Variants in TRAPPC9 observed in about 807,000 individuals in gnomAD.
TRAPPC9 encodes the protein trafficking protein particle complex subunit 9.
In TRAPPC9, 83 loss-of-function variants were observed where a neutral mutation model predicts 124.0. The observed-to-expected ratio is 0.67, with a 90% confidence interval of 0.56 to 0.80. The LOEUF is 0.80. Ranked by LOEUF, TRAPPC9 falls within the 30% of genes least tolerant of loss-of-function variation. TRAPPC9 has a pLI of 0.00. For synonymous variants in TRAPPC9, 638 were observed against 617.5 expected (o/e 1.03, Z -0.49); for missense variants, 1,302 against 1,508.3 (o/e 0.86, Z 2.27).
intron 2 of TRAPPC9, among the ~76,000 whole-genome samples, chr8:140,446,522 C>T (rs1405489836): frequency 6.6e-6 from 1 of 152,042 alleles, no homozygotes; most frequent in East Asian, 1.9e-4. Flanking sequence ...CCCTTGAGCC[C>T]TCATAAGGGG....
chr8:140,042,429 A>G (rs1213104214), intron 17 of TRAPPC9, among the ~76,000 whole-genome samples: 1 of 152,230 alleles, frequency 6.6e-6, no homozygotes, highest in Non-Finnish European at 1.5e-5. Context: ...CACCTTGCGG[A>G]ACACACGCAT....
intron 21 of TRAPPC9, among the ~76,000 whole-genome samples, chr8:139,759,841 G>A (rs944684057): frequency 3.3e-5 from 5 of 152,316 alleles, no homozygotes; most frequent in East Asian, 3.9e-4. Flanking sequence ...CCAGATGTGG[G>A]GAGGGCCCAG....
At chr8:139,785,011 C>T (rs1822123805) in intron 21 of TRAPPC9, among the ~76,000 whole-genome samples, 1 of 152,128 alleles carries the variant, frequency 6.6e-6, no homozygotes, top group Non-Finnish European at 1.5e-5. Context: ...CAAAATATTA[C>T]CTGACTTTAG....
chr8:140,258,252 G>A (rs1224020832), intron 15 of TRAPPC9, among the ~76,000 whole-genome samples: 1 of 152,204 alleles, frequency 6.6e-6, no homozygotes, highest in East Asian at 1.9e-4. Flanking sequence ...TTCAAAAGAG[G>A]GAGGGTGACC....
At chr8:140,167,225 C>T (rs1387474745) in intron 17 of TRAPPC9, among the ~76,000 whole-genome samples, 1 of 151,834 alleles carries the variant, frequency 6.6e-6, no homozygotes, top group African/African-American at 2.4e-5. Context: ...TGACACAGAG[C>T]ACAGGAATAA....
chr8:140,082,286 C>T (rs532841576), intron 17 of TRAPPC9: 69 of 151,998 alleles, frequency 4.5e-4, no homozygotes, highest in African/African-American at 1.5e-3. Flanking sequence ...AAGGAAGAAC[C>T]TGAAATATAA....
intron 21 of TRAPPC9, among the ~76,000 whole-genome samples, chr8:139,809,804 C>T (rs939379058): frequency 2.0e-5 from 3 of 152,182 alleles, no homozygotes; most frequent in Admixed American, 1.3e-4. Flanking sequence ...TAAACGGCGG[C>T]CACCACCCTG....
intron 7 of TRAPPC9, among the ~76,000 whole-genome samples, chr8:140,384,253 T>C (rs375348175): frequency 5.5e-4 from 83 of 151,732 alleles, no homozygotes; most frequent in African/African-American, 1.5e-3. Context: ...ACTGCATCAA[T>C]TAACGAGCAA....
chr8:140,008,256 G>A (rs1269642686), intron 18 of TRAPPC9, among the ~76,000 whole-genome samples: 1 of 152,230 alleles, frequency 6.6e-6, no homozygotes, highest in African/African-American at 2.4e-5. Context: ...AGGGTGCTGC[G>A]TGGAGCCTGT....
rs1563804167 is a variant in TRAPPC9, at chr8:140,157,002, T to TTTTCCATTCAAAAGCCTCCC, written c.2556+64456_2556+64457insGGGAGGCTTTTGAATGGAAA. Among the ~76,000 whole-genome samples the TTTTCCATTCAAAAGCCTCCC allele has an allele frequency of 4.5e-4, 10 of 22,124 alleles. 2 individuals carry two copies. Among genetic ancestry groups the TTTTCCATTCAAAAGCCTCCC allele is most frequent in the African/African-American group, 1.2e-3 (6 of 5,032 alleles). The allele number at this position is 22,124 out of a possible 152,430, so 14.5% of individuals were successfully genotyped here. A position where few individuals can be genotyped will look rare whatever the true frequency, so the allele number is the denominator to read the frequency against. On this transcript the variant is annotated intron_variant, in intron 17 of 22. Transcript: ENST00000438773. The stretch of plus-strand genomic sequence containing the variant: ...CTCCCTTTCCATTCAAAAGCCTCCC[T>TTTTCCATTCAAAAGCCTCCC]TTTCCATTCAGAAGCCTCCCTTTTC...
At chr8:139,935,986 C>T (rs1181613758) in intron 19 of TRAPPC9, among the ~76,000 whole-genome samples, 1 of 152,238 alleles carries the variant, frequency 6.6e-6, no homozygotes, top group Non-Finnish European at 1.5e-5. Context: ...GAAGCCTGCA[C>T]CATGTGGGGA....
chr8:140,097,937 T>A lies in TRAPPC9; in HGVS notation c.2557-73858A>T, dbSNP rs1044856420. On this transcript the variant is annotated intron_variant, in intron 17 of 22. Coordinates refer to ENST00000438773, the MANE Select transcript of TRAPPC9 (RefSeq NM_001160372.4). The surrounding 1 kb of genome is among the most constrained non-coding windows in gnomAD (Gnocchi z 4.2). ...ATTGCCGCCGTCTGAAGGATAAGGATGCCCACCAACATACGCAGTCGCACC... is the reference window on the plus strand; with the variant it reads ...ATTGCCGCCGTCTGAAGGATAAGGAAGCCCACCAACATACGCAGTCGCACC... 4 of 152,278 alleles carry A rather than the reference T, an allele frequency of 2.6e-5. No homozygotes were observed. The highest frequency in any genetic ancestry group is 9.7e-5 in the African/African-American group (4 of 41,432). The allele number at this position is 152,278 out of a possible 1,614,324, so 9.4% of individuals were successfully genotyped here. A position where few individuals can be genotyped will look rare whatever the true frequency, so the allele number is the denominator to read the frequency against.
chr8:139,790,601 A>T (rs1254135462), intron 21 of TRAPPC9, among the ~76,000 whole-genome samples: 1 of 152,166 alleles, frequency 6.6e-6, no homozygotes, highest in East Asian at 1.9e-4. Flanking sequence ...TGGTTGTCAC[A>T]TCTGGTGGAG....
At chr8:139,915,616 A>T (rs960904765) in intron 19 of TRAPPC9, among the ~76,000 whole-genome samples, 4 of 152,206 alleles carry the variant, frequency 2.6e-5, no homozygotes, top group Non-Finnish European at 5.9e-5. Flanking sequence ...TTCGTGTCTG[A>T]CCAAGACAAG....
chr8:140,306,905 G>C (rs2066152913), intron 10 of TRAPPC9, among the ~76,000 whole-genome samples: 1 of 152,128 alleles, frequency 6.6e-6, no homozygotes, highest in African/African-American at 2.4e-5. Context: ...GAAGCAGTGT[G>C]GTGGGATGAG....
intron 18 of TRAPPC9, among the ~76,000 whole-genome samples, chr8:139,996,732 AT>A (rs1250401264): frequency 1.3e-5 from 2 of 152,038 alleles, no homozygotes; most frequent in Non-Finnish European, 2.9e-5. Flanking sequence ...TGTTGTTGCT[AT>A]TTTTTTGTTT....
chr8:140,274,467 C>T (rs2065053758), intron 15 of TRAPPC9, among the ~76,000 whole-genome samples: 1 of 152,168 alleles, frequency 6.6e-6, no homozygotes, highest in Non-Finnish European at 1.5e-5. Flanking sequence ...AGACACGGAC[C>T]GGGAGAATGG....
chr8:139,879,114 G>A lies in TRAPPC9; in HGVS notation c.3055+6765C>T, dbSNP rs563803152. On this transcript the variant is annotated intron_variant, in intron 21 of 22. Coordinates refer to ENST00000438773, the MANE Select transcript of TRAPPC9 (RefSeq NM_001160372.4). ...CAGCCCGGCATGGCGGCCTACGGGTGTGATAGAAACTCCCACAGGCCATGG... is the reference window on the plus strand; with the variant it reads ...CAGCCCGGCATGGCGGCCTACGGGTATGATAGAAACTCCCACAGGCCATGG... 2.0e-5 allele frequency among the ~76,000 whole-genome samples: 3 copies of A among 152,376 alleles called. No individual in the cohort carries two copies. The East Asian group carries it at 5.8e-4, about 29-fold the overall frequency.
chr8:140,145,739 A>G (rs2061453190), intron 17 of TRAPPC9, among the ~76,000 whole-genome samples: 1 of 152,064 alleles, frequency 6.6e-6, no homozygotes, highest in Non-Finnish European at 1.5e-5. Context: ...AGTATGCTAA[A>G]ATCCTAGTCA....
Sources: gnomAD v4.1 joint callset for allele counts (sites outside exome capture counted in the v4.1 genomes callset) on GRCh38, gnomAD v4.1.1 for gene constraint, Gnocchi (gnomAD v3.1) non-coding constraint, MANE v1.5 for transcripts, NCBI Gene and HGNC (gene_info 2026-07-23, HGNC 2026-07-21) for gene names.